Variants in HDX observed in about 807,000 individuals in gnomAD.
The protein encoded by HDX is highly divergent homeobox.
HDX carries 19 observed loss-of-function variants against 45.2 expected under a neutral mutation model. That is an observed-to-expected ratio of 0.42 (90% CI 0.29 to 0.62). The LOEUF is 0.62. Among genes scored for constraint, HDX ranks in the 20% least tolerant of loss-of-function variants. The pLI is 0.20. For synonymous variants in HDX, 188 were observed against 172.8 expected, an observed-to-expected ratio of 1.09 and a Z score of -0.69; for missense variants, 532 against 493.9, an observed-to-expected ratio of 1.08 and a Z score of -0.73.
At chrX:84,459,978 A>G (rs1247288749) in intron 4 of HDX, among the ~76,000 whole-genome samples, 1 of 111,592 alleles carries the variant, frequency 9.0e-6, no homozygotes, top group African/African-American at 3.3e-5. Flanking sequence ...ACCTACCAAA[A>G]TTGAACCATT....
At chrX:84,352,638 T>G (rs1300871800) in intron 6 of HDX, among the ~76,000 whole-genome samples, 1 of 111,725 alleles carries the variant, frequency 9.0e-6, no homozygotes, top group African/African-American at 3.2e-5. Flanking sequence ...AACAGTCCAA[T>G]TATACTTTTA....
intron 4 of HDX, among the ~76,000 whole-genome samples, chrX:84,441,523 T>G (rs1447021239): frequency 8.9e-6 from 1 of 111,889 alleles, no homozygotes; most frequent in East Asian, 2.8e-4. Context: ...AGCCCATTTG[T>G]TTAATGAAAT....
intron 4 of HDX, among the ~76,000 whole-genome samples, chrX:84,450,887 A>G (rs909847181): frequency 3.6e-4 from 40 of 112,089 alleles, no homozygotes; most frequent in African/African-American, 1.2e-3. Context: ...AATCAGTAAC[A>G]GGAGGAACTT....
intron 1 of HDX, among the ~76,000 whole-genome samples, chrX:84,497,785 G>A (rs748421931): frequency 2.7e-5 from 3 of 110,106 alleles, no homozygotes; most frequent in South Asian, 7.8e-4. Flanking sequence ...AATGAAGATA[G>A]GCCTCACTGT....
chrX:84,435,835 G>A (rs1274033899), intron 5 of HDX, among the ~76,000 whole-genome samples: 5 of 98,733 alleles, frequency 5.1e-5, no homozygotes, highest in South Asian at 5.2e-4. Flanking sequence ...TGGTGGGACT[G>A]TAAACTAGTT....
At chrX:84,391,530 T>C (rs1481031903) in intron 5 of HDX, among the ~76,000 whole-genome samples, 2 of 111,015 alleles carry the variant, frequency 1.8e-5, no homozygotes, top group Non-Finnish European at 3.8e-5. Flanking sequence ...ATTTCCATAC[T>C]GTTTTCCATA....
intron 4 of HDX, among the ~76,000 whole-genome samples, chrX:84,459,060 A>G (rs772743272): frequency 8.9e-5 from 10 of 112,355 alleles, no homozygotes; most frequent in South Asian, 3.6e-4. Context: ...GAATAAAACT[A>G]GAAATCAATA....
chrX:84,411,669 T>C (rs1343980560), intron 5 of HDX, among the ~76,000 whole-genome samples: 1 of 111,266 alleles, frequency 9.0e-6, no homozygotes, highest in Non-Finnish European at 1.9e-5. Context: ...CTCTCTAGAT[T>C]TCTATTAATC....
intron 7 of HDX, among the ~76,000 whole-genome samples, chrX:84,339,217 A>G (rs950873289): frequency 1.8e-5 from 2 of 111,633 alleles, no homozygotes; most frequent in Non-Finnish European, 1.9e-5. Flanking sequence ...AGAACGGTTC[A>G]TAGACAGAGG....
In HDX at chrX:84,471,595, A is replaced by C. The variant is rs189193331; in HGVS notation, c.148-2020T>G. On this transcript the variant is annotated intron_variant, in intron 3 of 10. Transcript: ENST00000373177. ...TCAATTCTACCTCACCTGAAAGCAC[A>C]TTAAACCTTCCACTACCCTACATGT... is the stretch of plus-strand genomic sequence containing the variant. Among the ~76,000 whole-genome samples the C allele has an allele frequency of 4.6e-5, 5 of 109,759 alleles. No homozygotes were observed. In the South Asian group the frequency reaches 1.9e-3, roughly 43 times the overall value.
chrX:84,443,095 G>A (rs2039797454), intron 4 of HDX, among the ~76,000 whole-genome samples: 1 of 111,479 alleles, frequency 9.0e-6, no homozygotes, highest in Non-Finnish European at 1.9e-5. Flanking sequence ...ATAATTCTGT[G>A]TCAGCAGTTA....
chrX:84,366,646 T>C (rs753924615), intron 5 of HDX, among the ~76,000 whole-genome samples: 1 of 110,663 alleles, frequency 9.0e-6, no homozygotes, highest in African/African-American at 3.3e-5. Flanking sequence ...AATAGACCAA[T>C]GGAACAGAAC....
intron 9 of HDX, among the ~76,000 whole-genome samples, chrX:84,327,419 G>A (rs1371522815): frequency 9.0e-6 from 1 of 111,471 alleles, no homozygotes; most frequent in East Asian, 2.8e-4. Context: ...AAGAAAGGAT[G>A]GTATTGCATA....
intron 5 of HDX, chrX:84,439,893 G>A (rs2039723828): frequency 9.0e-6 from 1 of 111,241 alleles, no homozygotes; most frequent in Non-Finnish European, 1.9e-5. Flanking sequence ...CTTTCTAAAA[G>A]TCAATTCATG....
At chrX:84,493,959 T>C (rs1486355918) in intron 1 of HDX, among the ~76,000 whole-genome samples, 2 of 111,275 alleles carry the variant, frequency 1.8e-5, no homozygotes, top group African/African-American at 3.3e-5. Flanking sequence ...TCAAAATATC[T>C]CATGTACCCC....
At position 84,459,279 on chromosome X, in the gene HDX, A is replaced by G. The variant is rs72632478; in HGVS notation, c.1251+9193T>C. On this transcript the variant is annotated intron_variant, in intron 4 of 10. Transcript: ENST00000373177. The stretch of plus-strand genomic sequence containing the variant: ...AACACAGTGAAACCCCGTCTTTACT[A>G]AAAATACAAAAAATTAGCCGGGCGT... 1.9e-3 allele frequency among the ~76,000 whole-genome samples: 213 copies of G among 109,728 alleles called. 3 individuals carry two copies. The East Asian group carries it at 0.047, about 24-fold the overall frequency.
chrX:84,381,155 A>T (rs1364795482), intron 5 of HDX, among the ~76,000 whole-genome samples: 1 of 111,230 alleles, frequency 9.0e-6, no homozygotes, highest in African/African-American at 3.3e-5. Flanking sequence ...GAAGTTAAAG[A>T]TCTCCATAAT....
chrX:84,466,294 A>AT (rs922627992), intron 4 of HDX, among the ~76,000 whole-genome samples: 42 of 111,146 alleles, frequency 3.8e-4, no homozygotes, highest in African/African-American at 9.1e-4. Context: ...CCTTGCATAG[A>AT]TTTTTTTTTC....
intron 5 of HDX, among the ~76,000 whole-genome samples, chrX:84,420,779 A>G (rs1055079589): frequency 3.1e-4 from 34 of 108,723 alleles, no homozygotes; most frequent in African/African-American, 1.1e-3. Context: ...ATGGAGCTCC[A>G]ATACATCTGT....
Sources: gnomAD v4.1 joint callset for allele counts (sites outside exome capture counted in the v4.1 genomes callset) on GRCh38, gnomAD v4.1.1 for gene constraint, MANE v1.5 for transcripts, NCBI Gene and HGNC (gene_info 2026-07-23, HGNC 2026-07-21) for gene names.